SLC38A9: variants seen among roughly 807,000 people sequenced by gnomAD.
SLC38A9 encodes neutral amino acid transporter 9.
SLC38A9 carries 48 observed loss-of-function variants against 62.3 expected under a neutral mutation model. The observed-to-expected ratio is 0.77, with a 90% confidence interval of 0.61 to 0.98. The LOEUF is 0.98. Among genes scored for constraint, SLC38A9 ranks in the 50% least tolerant of loss-of-function variants. The pLI, the probability that SLC38A9 is intolerant of heterozygous loss-of-function variation, is 0.00. For missense variants in SLC38A9, 541 were observed against 679.8 expected (o/e 0.80, Z 2.27); for synonymous variants, 204 against 227.7 (o/e 0.90, Z 0.94).
chr5:55,649,056 C>A, intron 11 of SLC38A9, 151 bp downstream of exon 11: 4 of 463,562 alleles, frequency 8.6e-6, no homozygotes, highest in South Asian at 5.6e-5. Context: ...GCAGGAAATC[C>A]AAAATAATCT....
chr5:55,666,843 G>A (rs574604326), intron 7 of SLC38A9, among the ~76,000 whole-genome samples: 6 of 152,138 alleles, frequency 3.9e-5, no homozygotes, highest in African/African-American at 1.4e-4. Context: ...GTGAAATCCC[G>A]TCTCTACTAA....
intron 12 of SLC38A9, among the ~76,000 whole-genome samples, chr5:55,639,272 T>TTAAAAAAAAAAAAAAA (rs1391586466): frequency 1.1e-4 from 6 of 54,650 alleles, no homozygotes; most frequent in African/African-American, 3.4e-4. Flanking sequence ...AAACTCTGTC[T>TTAAAAAAAAAAAAAAA]AAAAAAAAAA....
Position 55,664,726 on chromosome 5 carries a change from T to A in SLC38A9, c.664A>T (p.Asn222Tyr). 1 of 1,560,454 alleles carries A rather than the reference T, an allele frequency of 6.4e-7. No individual in the cohort carries two copies. The highest frequency in any genetic ancestry group is 8.6e-7 in the Non-Finnish European group (1 of 1,161,666). Reference sequence around the variant, plus strand: ...AACTTTCCAGTATTAAAAAGAAAATTTGACATAAGCACCCAATAAACTATC... The same window carrying A: ...AACTTTCCAGTATTAAAAAGAAAATATGACATAAGCACCCAATAAACTATC... ...AMIVYWVLMS[N>Y]FLFNTGKFIF... is the part of the protein sequence containing the mutation. Residue 222 changes from asparagine to tyrosine, a missense_variant, in exon 8 of 16, where the codon AAT becomes TAT. Physicochemically the swap from Asn to Tyr is moderately radical, Grantham distance 143. Transcript: ENST00000396865.
chr5:55,631,142 G>A (rs113507041), intron 14 of SLC38A9, among the ~76,000 whole-genome samples: 7,442 of 151,924 alleles, frequency 0.049, 312 homozygotes, highest in African/African-American at 0.12. Context: ...TCAAAAAAAC[G>A]AAAAACAAAA....
chr5:55,664,541 A>G (rs1213973992), intron 8 of SLC38A9, 152 bp downstream of exon 8: 7 of 403,802 alleles, frequency 1.7e-5, no homozygotes, highest in Non-Finnish European at 3.0e-5. Context: ...CAACCACAGA[A>G]AGCCAACTGA....
chr5:55,696,962 T>C (rs1755930619), intron 3 of SLC38A9: 1 of 132,710 alleles, frequency 7.5e-6, no homozygotes, highest in Non-Finnish European at 1.5e-5. Flanking sequence ...TCCCAGACGA[T>C]GGGCAGCGGG....
At chr5:55,706,469 C>T (rs1458916953) in intron 2 of SLC38A9, among the ~76,000 whole-genome samples, 1 of 152,214 alleles carries the variant, frequency 6.6e-6, no homozygotes, top group Non-Finnish European at 1.5e-5. Flanking sequence ...TTTCAGTGAA[C>T]CTTATCAAAA....
chr5:55,691,302 A>G (rs931411324), intron 3 of SLC38A9: 1 of 1,506,980 alleles, frequency 6.6e-7, no homozygotes, highest in Non-Finnish European at 8.9e-7. Context: ...CCTGGAGGGA[A>G]TAGGACAGAT....
intron 3 of SLC38A9, among the ~76,000 whole-genome samples, chr5:55,678,116 C>CA (rs1469087142): frequency 2.0e-5 from 3 of 146,904 alleles, no homozygotes; most frequent in Non-Finnish European, 4.5e-5. Flanking sequence ...CAGAAAACCA[C>CA]AAAAGGTGAA....
chr5:55,640,416 G>T (rs1269945071), intron 12 of SLC38A9, among the ~76,000 whole-genome samples: 1 of 152,192 alleles, frequency 6.6e-6, no homozygotes, highest in Non-Finnish European at 1.5e-5. Flanking sequence ...TAAGTGGAAA[G>T]AACTCATTTT....
chr5:55,709,168 G>A (rs997406331), intron 2 of SLC38A9, among the ~76,000 whole-genome samples: 8 of 152,178 alleles, frequency 5.3e-5, no homozygotes, highest in African/African-American at 1.2e-4. Context: ...TTCAAAAGGC[G>A]TTAAATTTGA....
At chr5:55,669,948 A>G in intron 4 of SLC38A9, 69 bp from the exon 5 acceptor site, 1 of 1,437,748 alleles carries the variant, frequency 7.0e-7, no homozygotes, top group Non-Finnish European at 9.4e-7. Flanking sequence ...GTTACACATC[A>G]GAACACCTGA....
Position 55,705,040 on chromosome 5 carries a change from G to A in SLC38A9, c.-35+6412C>T, listed in dbSNP as rs78612973. Among the ~76,000 whole-genome samples the A allele has an allele frequency of 7.7e-3, 1,177 of 152,190 alleles. 12 individuals carry two copies. The highest frequency in any genetic ancestry group is 0.026 in the African/African-American group (1,074 of 41,518). On this transcript the variant is annotated intron_variant, in intron 2 of 15. Transcript: ENST00000396865. ...CTGTTTAAAACTAGAAAAATTACTC[G>A]TTGGAAGGACATACAAGAAGAAACT...
At chr5:55,707,171 A>G (rs1250306430) in intron 2 of SLC38A9, among the ~76,000 whole-genome samples, 2 of 152,150 alleles carry the variant, frequency 1.3e-5, no homozygotes, top group African/African-American at 2.4e-5. Flanking sequence ...GATTATAGGC[A>G]TGAGCCACCA....
At chr5:55,645,060 T>C (rs1396195703) in intron 12 of SLC38A9, among the ~76,000 whole-genome samples, 2 of 152,194 alleles carry the variant, frequency 1.3e-5, no homozygotes, top group African/African-American at 2.4e-5. Context: ...TCATTTTTTA[T>C]CAGCCGCATT....
rs1366511739 is a variant in SLC38A9 at position 55,645,696 on chromosome 5, T to A, written c.1167+93A>T. 6 of 853,914 alleles carry A rather than the reference T, an allele frequency of 7.0e-6. No homozygotes were observed. In the African/African-American group the frequency reaches 8.7e-5, roughly 12 times the overall value. 52.9% of individuals were successfully genotyped at this position (853,914 alleles called of 1,614,324 possible). A position where few individuals can be genotyped will look rare whatever the true frequency, so the allele number is the denominator to read the frequency against. Reference sequence around the variant, plus strand: ...ATTAAGATCTTGTAACAAAATTGCCTAATTGTACTCTAAATATAAAGTGCC... The same window carrying A: ...ATTAAGATCTTGTAACAAAATTGCCAAATTGTACTCTAAATATAAAGTGCC... On this transcript the variant is annotated intron_variant, in intron 12 of 15. Transcript: ENST00000396865.
rs1315953374 is a variant in SLC38A9 at position 55,671,505 on chromosome 5, C to CTT, written c.246+1056_246+1057dup. On this transcript the variant is annotated intron_variant, in intron 4 of 15. Transcript: ENST00000396865. ...GTACATATTTCAGTTTCCCATTCTT[C>CTT]TTTTTTTTTTTTTTTAAGAGATGGG... Among the ~76,000 whole-genome samples the CTT allele has an allele frequency of 1.3e-3, 189 of 142,940 alleles. 1 individual carries two copies. The highest frequency in any genetic ancestry group is 2.5e-3 in the Non-Finnish European group (164 of 65,768). 93.8% of individuals were successfully genotyped at this position (142,940 alleles called of 152,430 possible).
intron 2 of SLC38A9, among the ~76,000 whole-genome samples, chr5:55,706,655 G>C (rs180839019): frequency 3.3e-4 from 50 of 152,208 alleles, no homozygotes; most frequent in African/African-American, 1.2e-3. Flanking sequence ...CATAAATGAG[G>C]AGTTCAAAGT....
intron 2 of SLC38A9, 50 bp from the exon 3 acceptor site, chr5:55,698,042 T>C (rs886406945): frequency 1.0e-5 from 7 of 675,082 alleles, no homozygotes; most frequent in South Asian, 1.0e-4. Context: ...TATTTTATTA[T>C]CCATCACTAA....
Sources: allele counts gnomAD v4.1 joint callset (sites outside exome capture counted in the v4.1 genomes callset), GRCh38; gene constraint gnomAD v4.1.1; transcripts MANE v1.5; gene names NCBI Gene and HGNC (gene_info 2026-07-23, HGNC 2026-07-21).